Variants in SLC66A2 observed in about 807,000 individuals in gnomAD.
SLC66A2 encodes the protein PQ loop repeat containing 1.
Under a neutral mutation model 25.5 loss-of-function variants are expected in SLC66A2, and 23 were observed. The ratio of observed to expected loss-of-function variants is 0.90; its 90% CI spans 0.65 to 1.28. The LOEUF is 1.28. Among genes scored for constraint, SLC66A2 ranks in the 50% most tolerant of loss-of-function variants. The pLI is 0.00. For synonymous variants in SLC66A2, 193 were observed against 166.5 expected (o/e 1.16, Z -1.23); for missense variants, 396 against 373.1 (o/e 1.06, Z -0.51).
chr18:79,909,590 C>CGG (rs1982650225), intron 5 of SLC66A2, among the ~76,000 whole-genome samples: 1 of 60,798 alleles, frequency 1.6e-5, no homozygotes, highest in Non-Finnish European at 3.9e-5. Context: ...ACCATCTCAC[C>CGG]AGTCTCCAAC....
chr18:79,904,345 G>A lies in SLC66A2; in HGVS notation c.609-162C>T, dbSNP rs540791872. On this transcript the variant is annotated intron_variant, in intron 5 of 5. Coordinates refer to ENST00000397778, the MANE Select transcript of SLC66A2 (RefSeq NM_025078.5). The surrounding 1 kb of genome is among the most constrained non-coding windows in gnomAD (Gnocchi z 6.3). Reference sequence around the variant, plus strand: ...GTCGGCGGGGAGGCCTGGGGCTCAGGGGGCACCCAGGGGGTTGAGGGGACA... The same window carrying A: ...GTCGGCGGGGAGGCCTGGGGCTCAGAGGGCACCCAGGGGGTTGAGGGGACA... Among the ~76,000 whole-genome samples, 3 of 151,534 alleles carry A rather than the reference G, an allele frequency of 2.0e-5. No homozygotes were observed. Among genetic ancestry groups the A allele is most frequent in the South Asian group, 4.2e-4 (2 of 4,800 alleles).
In SLC66A2 at chr18:79,905,563, C is replaced by T. The variant is rs1051991760; in HGVS notation, c.609-1380G>A. Among the ~76,000 whole-genome samples, 6 of 152,270 alleles carry T rather than the reference C, an allele frequency of 3.9e-5. No individual in the cohort carries two copies. In the East Asian group the frequency reaches 7.7e-4, roughly 20 times the overall value. On this transcript the variant is annotated intron_variant, in intron 5 of 5. Coordinates refer to ENST00000397778, the MANE Select transcript of SLC66A2 (RefSeq NM_025078.5). ...GGTGCAAAGGCGCCTGCCTTTCCTG[C>T]GCTAGCCATGCACACAGCAGGCGCC...
At chr18:79,949,060 G>A (rs1421836385) in intron 2 of SLC66A2, among the ~76,000 whole-genome samples, 4 of 152,134 alleles carry the variant, frequency 2.6e-5, no homozygotes, top group African/African-American at 7.2e-5. Flanking sequence ...GACAAACCTC[G>A]AGACGGGACT....
At position 79,943,654 on chromosome 18, in the gene SLC66A2, G is replaced by A. The variant is rs369992225; in HGVS notation, c.204-192C>T. The A allele has an allele frequency of 1.1e-4, 65 of 599,918 alleles. 1 individual carries two copies. The highest frequency in any genetic ancestry group is 9.2e-4 in the Middle Eastern group (2 of 2,172). The allele number at this position is 599,918 out of a possible 1,614,324, so 37.2% of individuals were successfully genotyped here. On this transcript the variant is annotated intron_variant, in intron 2 of 5. Coordinates refer to ENST00000397778, the MANE Select transcript of SLC66A2 (RefSeq NM_025078.5). ...CCTCTCCCAGTCCCGAACCTGCAGC[G>A]GGAGACACCTGGGTCAGGAGGGAGG... is the stretch of plus-strand genomic sequence containing the variant.
Position 79,918,205 on chromosome 18 carries a change from T to C in SLC66A2, c.608+979A>G, listed in dbSNP as rs1286202453. ...TCTCTGAAAGCCCTCAAGAGAGTGCTGTGGCCCCTGGGCACCCGTTCTCCA... is the reference window on the plus strand; with the variant it reads ...TCTCTGAAAGCCCTCAAGAGAGTGCCGTGGCCCCTGGGCACCCGTTCTCCA... On this transcript the variant is annotated intron_variant, in intron 5 of 5. Coordinates refer to ENST00000397778, the MANE Select transcript of SLC66A2 (RefSeq NM_025078.5). This position sits in a 1 kb window ranked among gnomAD's most constrained non-coding sequence, Gnocchi z 4.0. 3.3e-5 allele frequency among the ~76,000 whole-genome samples: 5 copies of C among 152,212 alleles called. No homozygotes were observed. Among genetic ancestry groups the C allele is most frequent in the Non-Finnish European group, 7.4e-5 (5 of 68,014 alleles).
At position 79,924,036 on chromosome 18, in the gene SLC66A2, C is replaced by CAA. The variant is rs1415720359; in HGVS notation, c.392-4638_392-4637dup. 1.0e-3 allele frequency among the ~76,000 whole-genome samples: 95 copies of CAA among 94,942 alleles called. 2 individuals carry two copies. The East Asian group carries it at 0.02, about 20-fold the overall frequency. The allele number at this position is 94,942 out of a possible 152,430, so 62.3% of individuals were successfully genotyped here. On this transcript the variant is annotated intron_variant, in intron 4 of 5. Coordinates refer to ENST00000397778, the MANE Select transcript of SLC66A2 (RefSeq NM_025078.5). ...TGGGTGACAGAGTGGGACCTGGTCTCAAAAAAAAAAAAAAAAGGCACTGGC... is the reference window on the plus strand; with the variant it reads ...TGGGTGACAGAGTGGGACCTGGTCTCAAAAAAAAAAAAAAAAAAGGCACTGGC...
rs528288642 is a variant in SLC66A2, at chr18:79,949,125, G to A, written c.203+1599C>T. On this transcript the variant is annotated intron_variant, in intron 2 of 5. Transcript: ENST00000397778. ...GCAGGGGACAAACCTCCCTGCCTCAGAGACAACTCTGGGGAAGAGGCAGCC... is the reference window on the plus strand; with the variant it reads ...GCAGGGGACAAACCTCCCTGCCTCAAAGACAACTCTGGGGAAGAGGCAGCC... Among the ~76,000 whole-genome samples the A allele has an allele frequency of 6.9e-4, 105 of 152,274 alleles. 1 individual carries two copies. The highest frequency in any genetic ancestry group is 2.3e-3 in the African/African-American group (94 of 41,554).
At position 79,941,298 on chromosome 18, in the gene SLC66A2, C is replaced by T. The variant is rs570067436; in HGVS notation, c.337+2031G>A. Among the ~76,000 whole-genome samples the T allele has an allele frequency of 1.3e-5, 2 of 152,288 alleles. No homozygotes were observed. The highest frequency in any genetic ancestry group is 3.9e-4 in the East Asian group (2 of 5,168). On this transcript the variant is annotated intron_variant, in intron 3 of 5. Coordinates refer to ENST00000397778, the MANE Select transcript of SLC66A2 (RefSeq NM_025078.5). The surrounding 1 kb of genome is among the most constrained non-coding windows in gnomAD (Gnocchi z 4.1). ...GCACCTGACCATCTCCTCTGCGGCC[C>T]TTGTTCACGTCTGAGGACCCCTGAG...
At chr18:79,942,929 C>T (rs1987808313) in intron 3 of SLC66A2, among the ~76,000 whole-genome samples, 1 of 152,176 alleles carries the variant, frequency 6.6e-6, no homozygotes, top group Admixed American at 6.5e-5. Flanking sequence ...CCCTGAGTCA[C>T]AGCAGAACTG....
Position 79,943,448 on chromosome 18 carries a change from A to T in SLC66A2, c.218T>A (p.Phe73Tyr). The change falls in exon 3 of 6, where the codon TTT (phenylalanine) becomes TAT (tyrosine). Residue 73 changes from phenylalanine to tyrosine, a missense_variant. Coordinates refer to ENST00000397778, the MANE Select transcript of SLC66A2 (RefSeq NM_025078.5). ...LRILFWFGRR[F>Y]ESPLLWQSAI... ...GCTCTGCCACAGCAGCGGGGACTCA[A>T]AGCGCCTTCCAAACCTGCGGGAGAG... is the stretch of plus-strand genomic sequence containing the variant. 1 of 1,614,004 alleles carries T rather than the reference A, an allele frequency of 6.2e-7. No homozygotes were observed. Among genetic ancestry groups the T allele is most frequent in the South Asian group, 1.1e-5 (1 of 91,072 alleles).
Position 79,940,318 on chromosome 18 carries a change from A to G in SLC66A2, c.337+3011T>C, listed in dbSNP as rs1478519310. Among the ~76,000 whole-genome samples the G allele has an allele frequency of 2.6e-5, 4 of 152,280 alleles. No homozygotes were observed. Among genetic ancestry groups the G allele is most frequent in the Admixed American group, 6.5e-5 (1 of 15,306 alleles). On this transcript the variant is annotated intron_variant, in intron 3 of 5. Coordinates refer to ENST00000397778, the MANE Select transcript of SLC66A2 (RefSeq NM_025078.5). This position sits in a 1 kb window ranked among gnomAD's most constrained non-coding sequence, Gnocchi z 4.1. ...ACCTGGGTGATGAAATAATCTGCAC[A>G]CTGGCCGGGCGCAGTGGGTCACGCC...
rs1160505757 is a variant in SLC66A2, at chr18:79,903,293, G to C, written c.*683C>G. The stretch of plus-strand genomic sequence containing the variant: ...CTCGAGGAGAACCAGAGGCTGACAA[G>C]AGCAGCATGAGCTAGCCCTGGCGAT... On this transcript the variant is annotated 3_prime_UTR_variant, in exon 6 of 6. Transcript: ENST00000397778. 6.6e-6 allele frequency: 1 copy of C among 152,410 alleles called. No individual in the cohort carries two copies. Among genetic ancestry groups the C allele is most frequent in the Non-Finnish European group, 1.5e-5 (1 of 68,144 alleles). 9.4% of individuals were successfully genotyped at this position (152,410 alleles called of 1,614,324 possible).
At position 79,940,567 on chromosome 18, in the gene SLC66A2, T is replaced by G. The variant is rs1001553448; in HGVS notation, c.337+2762A>C. 4.0e-5 allele frequency among the ~76,000 whole-genome samples: 6 copies of G among 151,704 alleles called. No homozygotes were observed. The highest frequency in any genetic ancestry group is 7.4e-5 in the Non-Finnish European group (5 of 67,980). ...GACGCCGCTGACAGGAAGACAAGGC[T>G]GGCCACCTTGCTTGGCATGGGGCTG... On this transcript the variant is annotated intron_variant, in intron 3 of 5. Transcript: ENST00000397778. The surrounding 1 kb of genome is among the most constrained non-coding windows in gnomAD (Gnocchi z 4.1).
At position 79,943,456 on chromosome 18, in the gene SLC66A2, T is replaced by G. The variant is rs758331345; in HGVS notation, c.210A>C (p.Gly70=). The G allele has an allele frequency of 1.7e-5, 28 of 1,613,690 alleles. No individual in the cohort carries two copies. In the Admixed American group the frequency reaches 4.7e-4, roughly 27 times the overall value. The change falls in exon 3 of 6, where the codon GGA becomes GGC. Residue 70 remains glycine, a synonymous_variant. Coordinates refer to ENST00000397778, the MANE Select transcript of SLC66A2 (RefSeq NM_025078.5). ...ACAGCAGCGGGGACTCAAAGCGCCTTCCAAACCTGCGGGAGAGACACTGTG... is the reference window on the plus strand; with the variant it reads ...ACAGCAGCGGGGACTCAAAGCGCCTGCCAAACCTGCGGGAGAGACACTGTG... The part of the protein sequence containing the change: ...ANILRILFWF[G]RRFESPLLWQ...
At chr18:79,928,275 T>C (rs1298535513) in intron 4 of SLC66A2, among the ~76,000 whole-genome samples, 6 of 152,248 alleles carry the variant, frequency 3.9e-5, no homozygotes, top group East Asian at 1.9e-4. Flanking sequence ...AAAGAGGACT[T>C]CAGGACAGTT....
intron 5 of SLC66A2, among the ~76,000 whole-genome samples, chr18:79,908,202 T>TC (rs1345452794): frequency 1.3e-5 from 2 of 152,348 alleles, no homozygotes; most frequent in South Asian, 2.1e-4. Flanking sequence ...CAAGTTGCTC[T>TC]CCTCCAGCGG....
Position 79,903,974 on chromosome 18 carries a change from T to C in SLC66A2, c.*2A>G. ...GGTCCCACATCCTCGTCCTCCCCAC[T>C]GTCAGAGGGCCTTGGTGCCAGTGGG... On this transcript the variant is annotated 3_prime_UTR_variant, in exon 6 of 6. Coordinates refer to ENST00000397778, the MANE Select transcript of SLC66A2 (RefSeq NM_025078.5). The C allele has an allele frequency of 6.3e-7, 1 of 1,596,334 alleles. No individual in the cohort carries two copies. The highest frequency in any genetic ancestry group is 2.2e-4 in the Middle Eastern group (1 of 4,638).
chr18:79,945,850 C>A (rs148676877), intron 2 of SLC66A2, among the ~76,000 whole-genome samples: 1 of 152,376 alleles, frequency 6.6e-6, no homozygotes, highest in Non-Finnish European at 1.5e-5. Flanking sequence ...CCGTTCTCCA[C>A]TGGCTACCAA....
In SLC66A2 at chr18:79,950,955, C is replaced by T. The variant is rs1041639785; in HGVS notation, c.-29G>A. 1 of 1,479,910 alleles carries T rather than the reference C, an allele frequency of 6.8e-7. No homozygotes were observed. The highest frequency in any genetic ancestry group is 2.7e-5 in the East Asian group (1 of 37,198). 91.7% of individuals were successfully genotyped at this position (1,479,910 alleles called of 1,614,324 possible). A position where few individuals can be genotyped will look rare whatever the true frequency, so the allele number is the denominator to read the frequency against. On this transcript the variant is annotated 5_prime_UTR_variant, in exon 2 of 6. In the 5' UTR this introduces an upstream ATG that the reference lacks. Transcript: ENST00000397778. ...AGCGCCCGCCTGGCCGAGGCTGTCACGGGCTCCGCGCCCCGCGGGCCACCG... is the reference window on the plus strand; with the variant it reads ...AGCGCCCGCCTGGCCGAGGCTGTCATGGGCTCCGCGCCCCGCGGGCCACCG...
Sources: allele counts gnomAD v4.1 joint callset (sites outside exome capture counted in the v4.1 genomes callset), GRCh38; gene constraint gnomAD v4.1.1; non-coding constraint Gnocchi (gnomAD v3.1); transcripts MANE v1.5; gene names NCBI Gene and HGNC (gene_info 2026-07-23, HGNC 2026-07-21).